DENND10: variants seen among roughly 807,000 people sequenced by gnomAD.
The protein encoded by DENND10 is DENN domain containing 10.
DENND10 carries 24 observed loss-of-function variants against 43.6 expected under a neutral mutation model. The ratio of observed to expected loss-of-function variants is 0.55; its 90% CI spans 0.40 to 0.77. DENND10 has a LOEUF of 0.77. Among genes scored for constraint, DENND10 ranks in the 30% least tolerant of loss-of-function variants. The pLI is 0.00. For synonymous variants in DENND10, 125 were observed against 157.6 expected (o/e 0.79, Z 1.55); for missense variants, 303 against 429.9 (o/e 0.70, Z 2.61).
intron 2 of DENND10, among the ~76,000 whole-genome samples, chr10:119,108,757 C>T (rs978742468): frequency 6.0e-5 from 9 of 151,138 alleles, no homozygotes; most frequent in Non-Finnish European, 7.4e-5. Flanking sequence ...CGGGTTCAAG[C>T]GATTCACCTG....
intron 5 of DENND10, 33 bp from the exon 6 acceptor site, chr10:119,123,436 G>C: frequency 5.9e-6 from 9 of 1,527,222 alleles, no homozygotes; most frequent in Non-Finnish European, 8.2e-6. Context: ...GTGTGGACCA[G>C]CAACAACTTG....
chr10:119,120,887 A>G (rs1327696939), intron 5 of DENND10, among the ~76,000 whole-genome samples: 1 of 152,100 alleles, frequency 6.6e-6, no homozygotes, highest in Non-Finnish European at 1.5e-5. Context: ...GTTCAGTTTT[A>G]TCAAAGACTC....
chr10:119,106,316 G>A lies in DENND10; in HGVS notation c.56-1652G>A, dbSNP rs572871168. 3.9e-3 allele frequency among the ~76,000 whole-genome samples: 591 copies of A among 152,282 alleles called. 2 individuals are homozygous for A. Among genetic ancestry groups the A allele is most frequent in the Non-Finnish European group, 6.5e-3 (440 of 68,024 alleles). On this transcript the variant is annotated intron_variant, in intron 1 of 8. Coordinates refer to ENST00000361432, the MANE Select transcript of DENND10 (RefSeq NM_207009.4). ...TACCCAGTAATGGGATTACTGGGTG[G>A]AATGGTAATTCTGTTTTCAATAACA...
chr10:119,113,190 G>A (rs1185583553), intron 3 of DENND10, among the ~76,000 whole-genome samples: 2 of 111,200 alleles, frequency 1.8e-5, no homozygotes, highest in Non-Finnish European at 3.9e-5. Context: ...TTTTTTTCTG[G>A]TTGTTGTCTT....
At position 119,132,740 on chromosome 10, in the gene DENND10, T is replaced by A. The variant is rs1471449574; in HGVS notation, c.897+131T>A. 1 of 743,968 alleles carries A rather than the reference T, an allele frequency of 1.3e-6. No homozygotes were observed. The highest frequency in any genetic ancestry group is 2.4e-6 in the Non-Finnish European group (1 of 420,112). The allele number at this position is 743,968 out of a possible 1,614,324, so 46.1% of individuals were successfully genotyped here. Reference sequence around the variant, plus strand: ...CAGCGGGCAGGTGCTTAGAGAGGGTTTACAGACGGCCACAGTGATGATGGA... The same window carrying A: ...CAGCGGGCAGGTGCTTAGAGAGGGTATACAGACGGCCACAGTGATGATGGA... On this transcript the variant is annotated intron_variant, in intron 8 of 8. Transcript: ENST00000361432. The surrounding 1 kb of genome is among the most constrained non-coding windows in gnomAD (Gnocchi z 4.2).
intron 3 of DENND10, among the ~76,000 whole-genome samples, chr10:119,115,789 A>C (rs1845237335): frequency 1.4e-5 from 2 of 139,682 alleles, no homozygotes; most frequent in African/African-American, 5.4e-5. Context: ...TTTGAGACGG[A>C]ATCTCGCTCT....
chr10:119,123,495 G>T lies in DENND10; in HGVS notation c.620G>T (p.Arg207Leu). The T allele has an allele frequency of 1.9e-6, 3 of 1,613,922 alleles. No homozygotes were observed. Among genetic ancestry groups the T allele is most frequent in the Middle Eastern group, 3.3e-4 (2 of 6,062 alleles). ...ACTCTGCCTGCCCTGGTGTGGCACC[G>T]ACAGGACTGGACCATCCTTCACTCT... Reference protein sequence around the residue: ...TRTLPALVWHRQDWTILHSYV... With the variant: ...TRTLPALVWHLQDWTILHSYV... Residue 207 changes from arginine (R) to leucine (L), a missense_variant, in exon 6 of 9, where the codon CGA becomes CTA. Physicochemically the swap from Arg to Leu is moderately radical, Grantham distance 102. Coordinates refer to ENST00000361432, the MANE Select transcript of DENND10 (RefSeq NM_207009.4).
At chr10:119,118,752 C>A (rs914492279) in intron 4 of DENND10, among the ~76,000 whole-genome samples, 1 of 151,874 alleles carries the variant, frequency 6.6e-6, no homozygotes, top group East Asian at 1.9e-4. Flanking sequence ...CTCACTGTAG[C>A]CTTAACTTCC....
At chr10:119,109,075 G>T (rs1206923806) in intron 2 of DENND10, among the ~76,000 whole-genome samples, 2 of 151,754 alleles carry the variant, frequency 1.3e-5, no homozygotes, top group Non-Finnish European at 2.9e-5. Context: ...AATTAGCCGG[G>T]CGTGGTGGCG....
At chr10:119,115,605 G>A (rs550579911) in intron 3 of DENND10, among the ~76,000 whole-genome samples, 21 of 144,938 alleles carry the variant, frequency 1.4e-4, no homozygotes, top group African/African-American at 5.0e-4. Context: ...TAGCCGGGAT[G>A]GTCTCGATCT....
rs1434361783 is a variant in DENND10, at chr10:119,108,167, A to G, written c.252+3A>G. Reference sequence around the variant, plus strand: ...CAGATTCTTCCATTTTGAAAAAGGTATGATTGCGTGAAGGTAAAAAAAAAA... The same window carrying G: ...CAGATTCTTCCATTTTGAAAAAGGTGTGATTGCGTGAAGGTAAAAAAAAAA... On this transcript the variant is annotated splice_donor_region_variant and intron_variant, in intron 2 of 8. Coordinates refer to ENST00000361432, the MANE Select transcript of DENND10 (RefSeq NM_207009.4). 3.8e-6 allele frequency: 6 copies of G among 1,599,826 alleles called. No individual in the cohort carries two copies. Among genetic ancestry groups the G allele is most frequent in the Non-Finnish European group, 5.1e-6 (6 of 1,168,106 alleles).
intron 3 of DENND10, among the ~76,000 whole-genome samples, chr10:119,114,796 G>C (rs1174497382): frequency 6.7e-6 from 1 of 149,496 alleles, no homozygotes; most frequent in Non-Finnish European, 1.5e-5. Flanking sequence ...TTGAGATAGA[G>C]TTTCACTCTG....
At chr10:119,123,664 C>CCAGGTAGACAAGAGGATCCCAGGGG in intron 6 of DENND10, 95 bp downstream of exon 6, 1 of 926,586 alleles carries the variant, frequency 1.1e-6, no homozygotes, top group East Asian at 2.6e-5. Context: ...GGATGGAGTG[C>CCAGGTAGACAAGAGGATCCCAGGGG]AATGGCACGA....
intron 1 of DENND10, among the ~76,000 whole-genome samples, chr10:119,106,338 A>G (rs1228285112): frequency 6.6e-6 from 1 of 152,174 alleles, no homozygotes; most frequent in African/African-American, 2.4e-5. Flanking sequence ...TGTTTTCAAT[A>G]ACAATTTTTT....
chr10:119,129,672 A>T, intron 7 of DENND10, 50 bp downstream of exon 7: 8 of 1,337,270 alleles, frequency 6.0e-6, no homozygotes, highest in Non-Finnish European at 8.6e-6. Flanking sequence ...AAACAGTTGT[A>T]CATTTTTAGG....
chr10:119,115,581 G>A (rs1003289057), intron 3 of DENND10, among the ~76,000 whole-genome samples: 3 of 136,520 alleles, frequency 2.2e-5, no homozygotes, highest in African/African-American at 7.9e-5. Flanking sequence ...AGTAGAGACG[G>A]GGTTTCACCG....
At chr10:119,107,079 G>C (rs1384373121) in intron 1 of DENND10, among the ~76,000 whole-genome samples, 1 of 152,122 alleles carries the variant, frequency 6.6e-6, no homozygotes, top group East Asian at 1.9e-4. Context: ...CACTTTGGGA[G>C]GCCGAGGCGG....
chr10:119,117,532 C>T lies in DENND10; in HGVS notation c.346C>T (p.His116Tyr). The T allele has an allele frequency of 6.2e-7, 1 of 1,612,862 alleles. No individual in the cohort carries two copies. Among genetic ancestry groups the T allele is most frequent in the Non-Finnish European group, 8.5e-7 (1 of 1,179,414 alleles). The stretch of plus-strand genomic sequence containing the variant: ...CCTTTCTTACAGAATGTACCTGAAA[C>T]ATGGGAGCCCAGTTAAAATGATGGA... ...TRILCRMYLK[H>Y]GSPVKMMESY... Residue 116 changes from histidine (H) to tyrosine (Y), a missense_variant, in exon 4 of 9, where the codon CAT (histidine) becomes TAT (tyrosine). His to Tyr is a moderately conservative substitution (Grantham distance 83). Transcript: ENST00000361432.
intron 8 of DENND10, among the ~76,000 whole-genome samples, chr10:119,135,815 A>AAAAAAAAAAAAAAC (rs1564804559): frequency 4.9e-4 from 67 of 137,928 alleles, no homozygotes; most frequent in Non-Finnish European, 7.1e-4. Flanking sequence ...AAAAAAAAAA[A>AAAAAAAAAAAAAAC]ACCAAAACCA....
Sources: gnomAD v4.1 joint callset for allele counts (sites outside exome capture counted in the v4.1 genomes callset) on GRCh38, gnomAD v4.1.1 for gene constraint, Gnocchi (gnomAD v3.1) non-coding constraint, MANE v1.5 for transcripts, NCBI Gene and HGNC (gene_info 2026-07-23, HGNC 2026-07-21) for gene names.